Variants in PRPSAP1 observed in about 807,000 individuals in gnomAD.
PRPSAP1 encodes phosphoribosyl pyrophosphate synthetase associated protein 1, also known as phosphoribosyl pyrophosphate synthase-associated protein 1.
Under a neutral mutation model 39.4 loss-of-function variants are expected in PRPSAP1, and 31 were observed. The observed-to-expected ratio is 0.79, with a 90% CI of 0.59 to 1.06. The LOEUF (loss-of-function observed/expected upper bound fraction) is 1.06, where lower values mean the gene tolerates loss of function less well. Ranked by LOEUF, PRPSAP1 falls within the 50% of genes least tolerant of loss-of-function variation. PRPSAP1 has a pLI of 0.00. For missense variants in PRPSAP1, 430 were observed against 511.6 expected (o/e 0.84, Z 1.54); for synonymous variants, 212 against 192.6 (o/e 1.10, Z -0.83).
intron 3 of PRPSAP1, among the ~76,000 whole-genome samples, chr17:76,342,796 G>A (rs774318387): frequency 6.6e-6 from 1 of 151,880 alleles, no homozygotes; most frequent in Non-Finnish European, 1.5e-5. Flanking sequence ...GAATAGGGCC[G>A]GGCGCAGTGG....
chr17:76,332,088 C>T (rs73354402), intron 4 of PRPSAP1, among the ~76,000 whole-genome samples, 175 bp downstream of exon 4: 1 of 151,910 alleles, frequency 6.6e-6, no homozygotes, highest in Non-Finnish European at 1.5e-5. Flanking sequence ...TAGGACAAAG[C>T]GAATAAGGGA....
At chr17:76,353,370 G>A in intron 1 of PRPSAP1, 164 bp downstream of exon 1, 3 of 667,072 alleles carry the variant, frequency 4.5e-6, no homozygotes, top group Non-Finnish European at 2.3e-6. Context: ...ACCGGGGAGC[G>A]GGGGGCGGTA....
Position 76,353,652 on chromosome 17 carries a change from G to T in PRPSAP1, c.52C>A (p.Arg18Ser). ...GGAACGGGGCGGGCGCGCGGGACGC[G>T]GAAAGCCGAGGACGCGGAGGGCGGG... ...LPPPSASSAFRVPRARPVPPP... is the reference protein window; with the variant it reads ...LPPPSASSAFSVPRARPVPPP... Residue 18 changes from arginine (R) to serine (S), a missense_variant, in exon 1 of 10, where the codon CGC becomes AGC. By Grantham distance (110) the Arg-to-Ser change is moderately radical. Transcript: ENST00000446526. The T allele has an allele frequency of 6.5e-7, 1 of 1,530,614 alleles. No homozygotes were observed. 94.8% of individuals were successfully genotyped at this position (1,530,614 alleles called of 1,614,324 possible).
At position 76,311,437 on chromosome 17, in the gene PRPSAP1, C is replaced by A; in HGVS notation, c.*105G>T. 1 of 1,293,366 alleles carries A rather than the reference C, an allele frequency of 7.7e-7. No individual in the cohort carries two copies. Among genetic ancestry groups the A allele is most frequent in the Non-Finnish European group, 1.0e-6 (1 of 953,188 alleles). The allele number at this position is 1,293,366 out of a possible 1,614,324, so 80.1% of individuals were successfully genotyped here. On this transcript the variant is annotated 3_prime_UTR_variant, in exon 10 of 10. Transcript: ENST00000446526. ...TCCGGGCAAAAGAAGATATCTAACT[C>A]CAGGCTGTTTCGAGTCCTCCCTTGC...
intron 3 of PRPSAP1, among the ~76,000 whole-genome samples, chr17:76,335,649 A>G (rs1010541279): frequency 6.6e-6 from 1 of 151,968 alleles, no homozygotes; most frequent in Non-Finnish European, 1.5e-5. Context: ...GAGCCACCAC[A>G]CCCAGGCTCA....
intron 3 of PRPSAP1, among the ~76,000 whole-genome samples, chr17:76,336,705 C>G (rs1399926634): frequency 7.3e-6 from 1 of 136,502 alleles, no homozygotes; most frequent in Non-Finnish European, 1.5e-5. Flanking sequence ...GCACTCCAGC[C>G]TGGGCAACAA....
At chr17:76,344,586 A>G (rs2071475851) in intron 3 of PRPSAP1, 85 bp downstream of exon 3, 1 of 1,204,090 alleles carries the variant, frequency 8.3e-7, no homozygotes, top group Admixed American at 2.3e-5. Flanking sequence ...TTTTAAAAAC[A>G]CTAAGTTGTT....
chr17:76,317,469 G>C (rs1179288609), intron 7 of PRPSAP1, among the ~76,000 whole-genome samples: 1 of 152,084 alleles, frequency 6.6e-6, no homozygotes, highest in African/African-American at 2.4e-5. Context: ...GGATGCAGTG[G>C]GCTGAGATCG....
Position 76,332,077 on chromosome 17 carries a change from G to A in PRPSAP1, c.463+186C>T, listed in dbSNP as rs559689898. Among the ~76,000 whole-genome samples the A allele has an allele frequency of 2.6e-5, 4 of 152,230 alleles. No homozygotes were observed. The East Asian group carries it at 7.7e-4, about 29-fold the overall frequency. ...GACACTAAAGCAATGGTATTCTAAA[G>A]TAGGACAAAGCGAATAAGGGAAAAA... On this transcript the variant is annotated intron_variant, in intron 4 of 9. Coordinates refer to ENST00000446526, the MANE Select transcript of PRPSAP1 (RefSeq NM_002766.3).
chr17:76,349,712 G>T (rs1023699194), intron 1 of PRPSAP1, among the ~76,000 whole-genome samples: 1 of 151,022 alleles, frequency 6.6e-6, no homozygotes. Context: ...CGTGAGCCGA[G>T]ATCACACCAT....
In PRPSAP1 at chr17:76,315,699, GCTTTTTTTTT is replaced by G. The variant is rs2071115168; in HGVS notation, c.782-1818_782-1809del. Among the ~76,000 whole-genome samples the G allele has an allele frequency of 5.0e-5, 5 of 100,092 alleles. No individual in the cohort carries two copies. In the South Asian group the frequency reaches 1.2e-3, roughly 24 times the overall value. The allele number at this position is 100,092 out of a possible 152,430, so 65.7% of individuals were successfully genotyped here. ...AACACGCAGTTATGTTGACCTATCC[GCTTTTTTTTT>G]TTTTTTTTTTTTTTTTTTTTCTTGA... On this transcript the variant is annotated intron_variant, in intron 7 of 9. Coordinates refer to ENST00000446526, the MANE Select transcript of PRPSAP1 (RefSeq NM_002766.3).
intron 1 of PRPSAP1, among the ~76,000 whole-genome samples, chr17:76,351,464 G>T (rs752506541): frequency 3.3e-5 from 5 of 151,974 alleles, no homozygotes; most frequent in Non-Finnish European, 7.4e-5. Flanking sequence ...GCAGTGAGCC[G>T]AGATCGCGCC....
At chr17:76,354,130 C>T (rs1001908778), upstream of PRPSAP1, 4 of 1,001,134 alleles carry the variant, frequency 4.0e-6, no homozygotes, top group African/African-American at 6.9e-5. Context: ...GGTAGTGGCC[C>T]CAGGTGTTTC....
At chr17:76,354,165 T>G, upstream of PRPSAP1, 1 of 989,558 alleles carries the variant, frequency 1.0e-6, no homozygotes, top group Non-Finnish European at 1.2e-6. Context: ...GGACCCAACA[T>G]GTCCGCCTCC....
chr17:76,330,574 G>A lies in PRPSAP1; in HGVS notation c.556C>T (p.Leu186=). The A allele has an allele frequency of 6.2e-7, 1 of 1,609,366 alleles. No individual in the cohort carries two copies. The highest frequency in any genetic ancestry group is 8.5e-7 in the Non-Finnish European group (1 of 1,176,326). The change falls in exon 5 of 10, where the codon CTG becomes TTG. Residue 186 remains leucine, a synonymous_variant. Coordinates refer to ENST00000446526, the MANE Select transcript of PRPSAP1 (RefSeq NM_002766.3). The stretch of plus-strand genomic sequence containing the variant: ...ACTTCTTCCTGGATATACTGAAGCA[G>A]GAAAGGTGAGGCTCTAAGGTTGTCC... ...PVDNLRASPF[L]LQYIQEEIPN...
intron 4 of PRPSAP1, among the ~76,000 whole-genome samples, 158 bp from the exon 5 acceptor site, chr17:76,330,824 T>C (rs2071313843): frequency 6.6e-6 from 1 of 152,194 alleles, no homozygotes; most frequent in Non-Finnish European, 1.5e-5. Context: ...TTAACCTTAA[T>C]AAAGCCTTAA....
intron 3 of PRPSAP1, among the ~76,000 whole-genome samples, chr17:76,342,966 G>A (rs896113730): frequency 2.6e-5 from 4 of 152,026 alleles, no homozygotes; most frequent in East Asian, 3.9e-4. Flanking sequence ...TGTAATCCCA[G>A]ATACTCGGGA....
chr17:76,313,934 A>G (rs759202026), intron 7 of PRPSAP1, 43 bp from the exon 8 acceptor site: 26 of 1,599,586 alleles, frequency 1.6e-5, no homozygotes, highest in Non-Finnish European at 2.1e-5. Context: ...TCATTCATGT[A>G]TCACTAGAGA....
At position 76,353,874 on chromosome 17, in the gene PRPSAP1, G is replaced by T. The variant is rs1305888521; in HGVS notation, c.-171C>A. The T allele has an allele frequency of 7.5e-7, 1 of 1,328,890 alleles. No individual in the cohort carries two copies. Among genetic ancestry groups the T allele is most frequent in the Middle Eastern group, 2.8e-4 (1 of 3,542 alleles). The allele number at this position is 1,328,890 out of a possible 1,614,324, so 82.3% of individuals were successfully genotyped here. ...CCCCACACCACTGACTACAGCGGCC[G>T]AGCCTTCGCAGCGCCCGGCGCCGCC... On this transcript the variant is annotated 5_prime_UTR_variant, in exon 1 of 10. Coordinates refer to ENST00000446526, the MANE Select transcript of PRPSAP1 (RefSeq NM_002766.3).
Sources: gnomAD v4.1 joint callset for allele counts (sites outside exome capture counted in the v4.1 genomes callset) on GRCh38, gnomAD v4.1.1 for gene constraint, MANE v1.5 for transcripts, NCBI Gene and HGNC (gene_info 2026-07-23, HGNC 2026-07-21) for gene names.